XRCC4: variants seen among roughly 807,000 people sequenced by gnomAD.
The protein encoded by XRCC4 is X-ray repair cross complementing 4, also known as DNA repair protein XRCC4.
In XRCC4, 28 loss-of-function variants were observed where a neutral mutation model predicts 39.1. The observed-to-expected ratio is 0.72, with a 90% CI of 0.53 to 0.98. XRCC4 has a LOEUF of 0.98. Among genes scored for constraint, XRCC4 ranks in the 50% least tolerant of loss-of-function variants. The probability of loss-of-function intolerance (pLI) is 0.00; values close to 1 mark genes in which losing one functional copy is unlikely to be tolerated. For synonymous variants in XRCC4, 123 were observed against 126.4 expected, an observed-to-expected ratio of 0.97 and a Z score of 0.18; for missense variants, 350 against 376.4, an observed-to-expected ratio of 0.93 and a Z score of 0.58.
chr5:83,325,733 A>G (rs1756235951), intron 7 of XRCC4, among the ~76,000 whole-genome samples: 1 of 152,018 alleles, frequency 6.6e-6, no homozygotes, highest in Admixed American at 6.6e-5. Context: ...GGTTGATTCC[A>G]TGTCTTTGCT....
chr5:83,314,358 G>C (rs899814690), intron 7 of XRCC4, among the ~76,000 whole-genome samples: 9 of 152,166 alleles, frequency 5.9e-5, no homozygotes, highest in Non-Finnish European at 1.2e-4. Flanking sequence ...AATTGTAGGT[G>C]AAATTGACAT....
chr5:83,152,632 CAA>C (rs59213558), intron 3 of XRCC4, among the ~76,000 whole-genome samples: 6 of 112,334 alleles, frequency 5.3e-5, no homozygotes, highest in Admixed American at 1.0e-4. Context: ...GATCCTGTCT[CAA>C]AAAAAAAAAA....
At chr5:83,262,458 TG>T (rs879653219) in intron 7 of XRCC4, among the ~76,000 whole-genome samples, 1 of 152,024 alleles carries the variant, frequency 6.6e-6, no homozygotes, top group Admixed American at 6.6e-5. Context: ...ACCACTTTTT[TG>T]GGGGGTGGGG....
At chr5:83,307,606 G>A (rs992102413) in intron 7 of XRCC4, among the ~76,000 whole-genome samples, 1 of 152,180 alleles carries the variant, frequency 6.6e-6, no homozygotes, top group African/African-American at 2.4e-5. Context: ...ACATCCAAGT[G>A]GTAAGAATCT....
At chr5:83,171,406 A>G (rs1446671275) in intron 3 of XRCC4, among the ~76,000 whole-genome samples, 1 of 152,094 alleles carries the variant, frequency 6.6e-6, no homozygotes, top group Admixed American at 6.6e-5. Flanking sequence ...TAGTCTATAG[A>G]TATTTTGTGT....
chr5:83,194,511 A>G (rs1750856682), intron 3 of XRCC4, among the ~76,000 whole-genome samples: 1 of 152,192 alleles, frequency 6.6e-6, no homozygotes, highest in African/African-American at 2.4e-5. Context: ...ATTTGTCTCA[A>G]AATTATCAAC....
At chr5:83,241,081 C>T (rs1433132163) in intron 6 of XRCC4, among the ~76,000 whole-genome samples, 1 of 151,740 alleles carries the variant, frequency 6.6e-6, no homozygotes, top group Non-Finnish European at 1.5e-5. Context: ...ACTAAAAATA[C>T]AAAAATTGGC....
chr5:83,229,963 T>A (rs1752437624), intron 6 of XRCC4, among the ~76,000 whole-genome samples: 1 of 152,016 alleles, frequency 6.6e-6, no homozygotes, highest in Non-Finnish European at 1.5e-5. Flanking sequence ...GAATTAATTT[T>A]GTTGATATTA....
the XRCC4 span, among the ~76,000 whole-genome samples, chr5:83,360,603 C>T: frequency 5.3e-5 from 8 of 152,038 alleles, no homozygotes; most frequent in Non-Finnish European, 4.4e-5. Context: ...GCATTACATG[C>T]TTCTGCTTGC....
intron 3 of XRCC4, among the ~76,000 whole-genome samples, chr5:83,159,769 A>G (rs915981305): frequency 2.3e-4 from 35 of 152,258 alleles, no homozygotes; most frequent in African/African-American, 6.0e-4. Context: ...TTGGTGGCAA[A>G]ATTTACATTT....
At chr5:83,282,887 CTG>C (rs1218858670) in intron 7 of XRCC4, among the ~76,000 whole-genome samples, 1 of 151,850 alleles carries the variant, frequency 6.6e-6, no homozygotes, top group Non-Finnish European at 1.5e-5. Flanking sequence ...CCACTGGACT[CTG>C]TAAATTCTAG....
chr5:83,111,099 A>C lies in XRCC4; in HGVS notation c.211A>C (p.Arg71=). 1 of 1,612,176 alleles carries C rather than the reference A, an allele frequency of 6.2e-7. No homozygotes were observed. Among genetic ancestry groups the C allele is most frequent in the Non-Finnish European group, 8.5e-7 (1 of 1,179,102 alleles). The change falls in exon 3 of 8, where the codon AGA becomes CGA. Residue 71 remains arginine, a synonymous_variant. Coordinates refer to ENST00000396027, the MANE Select transcript of XRCC4 (RefSeq NM_003401.5). The part of the protein sequence containing the change: ...MEKGKYVGEL[R]KALLSGAGPA... ...AAAAGGGAAATATGTTGGTGAACTG[A>C]GAAAAGCATTGTTGTCAGGAGCAGG... is the stretch of plus-strand genomic sequence containing the variant.
At chr5:83,091,424 A>G (rs986785694) in intron 1 of XRCC4, among the ~76,000 whole-genome samples, 1 of 152,124 alleles carries the variant, frequency 6.6e-6, no homozygotes, top group Non-Finnish European at 1.5e-5. Context: ...CCTGTGATCC[A>G]ATCACCTCCC....
At chr5:83,228,897 T>TG (rs1450880687) in intron 6 of XRCC4, among the ~76,000 whole-genome samples, 1 of 152,068 alleles carries the variant, frequency 6.6e-6, no homozygotes, top group Non-Finnish European at 1.5e-5. Context: ...TCAGAGGTGA[T>TG]GCTCCTTACG....
chr5:83,122,970 T>C (rs553515069), intron 3 of XRCC4, among the ~76,000 whole-genome samples: 1 of 152,260 alleles, frequency 6.6e-6, no homozygotes, highest in Admixed American at 6.5e-5. Context: ...TTGTTCAATG[T>C]TTTGTATGCA....
chr5:83,215,306 T>G (rs919755045), intron 6 of XRCC4, among the ~76,000 whole-genome samples: 1 of 152,004 alleles, frequency 6.6e-6, no homozygotes, highest in African/African-American at 2.4e-5. Context: ...ACCACTGCAG[T>G]CCAGCCTGGG....
At chr5:83,303,964 G>T (rs1755388014) in intron 7 of XRCC4, among the ~76,000 whole-genome samples, 2 of 133,648 alleles carry the variant, frequency 1.5e-5, no homozygotes, top group Non-Finnish European at 3.3e-5. Context: ...CCTAATTAGG[G>T]TGAGGTGAGG....
rs1245708448 is a variant in XRCC4, at chr5:83,318,337, G to A, written c.894-34794G>A. Among the ~76,000 whole-genome samples the A allele has an allele frequency of 3.8e-5, 5 of 132,156 alleles. No individual in the cohort carries two copies. In the South Asian group the frequency reaches 1.2e-3, roughly 32 times the overall value. 86.7% of individuals were successfully genotyped at this position (132,156 alleles called of 152,430 possible). A position where few individuals can be genotyped will look rare whatever the true frequency, so the allele number is the denominator to read the frequency against. The stretch of plus-strand genomic sequence containing the variant: ...TCTCACCACTCCTATTCAACATAGT[G>A]TTGGAAGTTCTGGCCAGGGCAATAA... On this transcript the variant is annotated intron_variant, in intron 7 of 7. Transcript: ENST00000396027.
intron 3 of XRCC4, among the ~76,000 whole-genome samples, chr5:83,140,842 A>G (rs749467952): frequency 2.0e-5 from 3 of 152,196 alleles, no homozygotes; most frequent in Non-Finnish European, 4.4e-5. Flanking sequence ...AACAATTACA[A>G]AAAATCAGAA....
Sources: gnomAD v4.1 joint callset for allele counts (sites outside exome capture counted in the v4.1 genomes callset) on GRCh38, gnomAD v4.1.1 for gene constraint, MANE v1.5 for transcripts, NCBI Gene and HGNC (gene_info 2026-07-23, HGNC 2026-07-21) for gene names.